The following ENTREP2 variants were observed in gnomAD, a reference collection of about 807,000 sequenced individuals.
ENTREP2 encodes the protein endosomal transmembrane epsin interactor 2, also known as protein ENTREP2.
chr15:29,414,078 TAGAC>T, the ENTREP2 span, among the ~76,000 whole-genome samples: 7 of 152,162 alleles, frequency 4.6e-5, no homozygotes, highest in East Asian at 7.7e-4. Flanking sequence ...CTGTCAACAT[TAGAC>T]AGATCAACGA....
At chr15:29,411,972 A>G in the ENTREP2 span, among the ~76,000 whole-genome samples, 813 of 152,280 alleles carry the variant, frequency 5.3e-3, 5 homozygotes, top group Middle Eastern at 0.01. Flanking sequence ...CTTACTGTCT[A>G]TAGCTTAAAA....
the ENTREP2 span, among the ~76,000 whole-genome samples, chr15:29,314,957 CAGG>C: frequency 6.6e-6 from 1 of 152,098 alleles, no homozygotes; most frequent in Non-Finnish European, 1.5e-5. Context: ...GAGGCTGAGG[CAGG>C]AGAATTGTTT....
the ENTREP2 span, among the ~76,000 whole-genome samples, chr15:29,124,504 G>C: frequency 6.6e-6 from 1 of 152,136 alleles, no homozygotes; most frequent in African/African-American, 2.4e-5. Context: ...TGCTAGCCCT[G>C]GATATAAGTG....
chr15:29,490,078 A>C, the ENTREP2 span, among the ~76,000 whole-genome samples: 1 of 152,264 alleles, frequency 6.6e-6, no homozygotes, highest in Non-Finnish European at 1.5e-5. Context: ...CTCGCTCTCC[A>C]GTAAACATTT....
At chr15:29,602,150 T>C in the ENTREP2 span, among the ~76,000 whole-genome samples, 1 of 152,200 alleles carries the variant, frequency 6.6e-6, no homozygotes, top group Admixed American at 6.5e-5. Flanking sequence ...TTGTATTCTG[T>C]CTTCACAAGT....
chr15:29,623,534 T>TAAA, the ENTREP2 span, among the ~76,000 whole-genome samples: 2 of 152,190 alleles, frequency 1.3e-5, no homozygotes, highest in Admixed American at 1.3e-4. Context: ...GTTTAGAGGC[T>TAAA]GAAGACTTTA....
the ENTREP2 span, among the ~76,000 whole-genome samples, chr15:29,587,141 G>A: frequency 5.4e-3 from 128 of 23,620 alleles, no homozygotes; most frequent in Non-Finnish European, 8.1e-3. Context: ...AGCTAACCGT[G>A]TGTGTGTGTG....
the ENTREP2 span, among the ~76,000 whole-genome samples, chr15:29,179,115 G>A: frequency 4.6e-5 from 7 of 152,194 alleles, no homozygotes; most frequent in Non-Finnish European, 1.0e-4. Context: ...TTGCCATTAG[G>A]ACATTGAATT....
At chr15:29,355,221 T>C in the ENTREP2 span, among the ~76,000 whole-genome samples, 57 of 152,210 alleles carry the variant, frequency 3.7e-4, no homozygotes, top group African/African-American at 1.3e-3. Flanking sequence ...GCCTCACCAT[T>C]TCTGCCCCTA....
the ENTREP2 span, among the ~76,000 whole-genome samples, chr15:29,491,456 C>T: frequency 2.6e-5 from 4 of 152,180 alleles, no homozygotes; most frequent in Non-Finnish European, 5.9e-5. Flanking sequence ...AGTGTGAGTA[C>T]CTGCCCTTTC....
the ENTREP2 span, among the ~76,000 whole-genome samples, chr15:29,520,444 C>T: frequency 2.6e-5 from 4 of 152,252 alleles, no homozygotes; most frequent in African/African-American, 7.2e-5. Flanking sequence ...TCACTTTCTA[C>T]CTTCATGCTT....
the ENTREP2 span, among the ~76,000 whole-genome samples, chr15:29,254,071 T>C: frequency 2.6e-4 from 36 of 139,584 alleles, no homozygotes; most frequent in African/African-American, 9.2e-4. Context: ...CCAAATCTAA[T>C]GAAGAAAGAC....
chr15:29,123,871 G>A, the ENTREP2 span, among the ~76,000 whole-genome samples: 2 of 152,074 alleles, frequency 1.3e-5, no homozygotes, highest in Non-Finnish European at 2.9e-5. Flanking sequence ...CTCCAGGAGC[G>A]AAGGCCTGGG....
chr15:29,372,112 A>G, the ENTREP2 span, among the ~76,000 whole-genome samples: 1 of 152,174 alleles, frequency 6.6e-6, no homozygotes, highest in Non-Finnish European at 1.5e-5. Context: ...ATGGCAGAAA[A>G]TACAGTTGGT....
the ENTREP2 span, among the ~76,000 whole-genome samples, chr15:29,302,780 G>A: frequency 5.9e-5 from 9 of 152,268 alleles, no homozygotes; most frequent in African/African-American, 1.7e-4. Context: ...ATTTTGGAAC[G>A]CTCTGTCTTG....
chr15:29,400,850 G>A, the ENTREP2 span, among the ~76,000 whole-genome samples: 1 of 152,244 alleles, frequency 6.6e-6, no homozygotes, highest in East Asian at 1.9e-4. Flanking sequence ...TGACGTGTGA[G>A]GTCGGAGGCT....
chr15:29,237,554 T>G, the ENTREP2 span, among the ~76,000 whole-genome samples: 6 of 152,192 alleles, frequency 3.9e-5, no homozygotes, highest in African/African-American at 1.4e-4. Flanking sequence ...GATGAGCACA[T>G]GAAAAGATGC....
chr15:29,621,196 T>C, the ENTREP2 span, among the ~76,000 whole-genome samples: 1 of 151,578 alleles, frequency 6.6e-6, no homozygotes, highest in East Asian at 1.9e-4. Flanking sequence ...AAGACCATCC[T>C]GGCTAACACG....
the ENTREP2 span, among the ~76,000 whole-genome samples, chr15:29,291,714 TTTCTTTTA>T: frequency 6.6e-6 from 1 of 152,258 alleles, no homozygotes; most frequent in African/African-American, 2.4e-5. Flanking sequence ...TTGAATCTTT[TTTCTTTTA>T]TTCTTTTATT....
Sources: gnomAD v4.1 joint callset for allele counts (sites outside exome capture counted in the v4.1 genomes callset) on GRCh38, gnomAD v4.1.1 for gene constraint, MANE v1.5 for transcripts, NCBI Gene and HGNC (gene_info 2026-07-23, HGNC 2026-07-21) for gene names.